Variants in TYW1B observed in about 807,000 individuals in gnomAD.
TYW1B encodes S-adenosyl-L-methionine-dependent tRNA 4-demethylwyosine synthase TYW1B.
A neutral mutation model predicts 86.9 loss-of-function variants in TYW1B; 73 were observed. The ratio of observed to expected loss-of-function variants is 0.84; its 90% CI spans 0.70 to 1.02. The LOEUF (loss-of-function observed/expected upper bound fraction) is 1.02, where lower values mean the gene tolerates loss of function less well. Among genes scored for constraint, TYW1B ranks in the 50% least tolerant of loss-of-function variants. TYW1B has a pLI of 0.00. For missense variants in TYW1B, 637 were observed against 827.4 expected (o/e 0.77, Z 2.82); for synonymous variants, 248 against 292.8 (o/e 0.85, Z 1.56).
intron 9 of TYW1B, among the ~76,000 whole-genome samples, chr7:72,722,426 T>C (rs1321990182): frequency 1.3e-5 from 2 of 152,210 alleles, no homozygotes; most frequent in African/African-American, 4.8e-5. Context: ...CCCCATTTTC[T>C]GGGAACTATT....
At chr7:72,719,694 C>T (rs1293767866) in intron 9 of TYW1B, among the ~76,000 whole-genome samples, 1 of 146,928 alleles carries the variant, frequency 6.8e-6, no homozygotes. Context: ...AAGAGCAGGG[C>T]AATGAAGATG....
chr7:72,714,217 G>C (rs1246037080), intron 9 of TYW1B, among the ~76,000 whole-genome samples: 1 of 152,082 alleles, frequency 6.6e-6, no homozygotes, highest in African/African-American at 2.4e-5. Context: ...GTCCAAAGCT[G>C]TACAGGAGAG....
chr7:72,702,955 C>G (rs1284311329), intron 10 of TYW1B, among the ~76,000 whole-genome samples: 4 of 141,866 alleles, frequency 2.8e-5, no homozygotes, highest in African/African-American at 1.0e-4. Context: ...ATTTTGTTTT[C>G]TTATCTATCA....
At chr7:72,715,833 C>T (rs1157186635) in intron 9 of TYW1B, among the ~76,000 whole-genome samples, 1 of 152,104 alleles carries the variant, frequency 6.6e-6, no homozygotes, top group East Asian at 1.9e-4. Context: ...AGAACATATT[C>T]TCTCTGCAGG....
chr7:72,789,479 A>C (rs1191794326), intron 6 of TYW1B, among the ~76,000 whole-genome samples: 3 of 152,142 alleles, frequency 2.0e-5, no homozygotes, highest in Admixed American at 2.0e-4. Flanking sequence ...AAAAAGTTTC[A>C]TATTTTGAAG....
intron 13 of TYW1B, among the ~76,000 whole-genome samples, chr7:72,588,401 C>A (rs1478668240): frequency 3.3e-5 from 5 of 152,130 alleles, no homozygotes; most frequent in Non-Finnish European, 5.9e-5. Context: ...GGGTGAGTTC[C>A]ACATGTACCA....
At chr7:72,579,230 T>C (rs1278306986) in intron 13 of TYW1B, among the ~76,000 whole-genome samples, 1 of 152,218 alleles carries the variant, frequency 6.6e-6, no homozygotes, top group Non-Finnish European at 1.5e-5. Flanking sequence ...TAATGCAGTT[T>C]GAAAACTTCT....
At chr7:72,745,889 T>TGTGTGTGTGTGTGTGTG (rs1787386653) in intron 7 of TYW1B, among the ~76,000 whole-genome samples, 1 of 143,952 alleles carries the variant, frequency 6.9e-6, no homozygotes, top group African/African-American at 2.6e-5. Flanking sequence ...TGTGTGTGTG[T>TGTGTGTGTGTGTGTGTG]AGTCTCACTC....
chr7:72,632,388 G>GTATATATATAAAATATATATACA (rs1563038697), intron 11 of TYW1B, among the ~76,000 whole-genome samples: 2 of 70,324 alleles, frequency 2.8e-5, no homozygotes, highest in East Asian at 7.9e-4. Flanking sequence ...ATATATATAC[G>GTATATATATAAAATATATATACA]TATATATATA....
intron 9 of TYW1B, among the ~76,000 whole-genome samples, chr7:72,720,361 G>A (rs1310416221): frequency 6.6e-6 from 1 of 152,130 alleles, no homozygotes; most frequent in Admixed American, 6.6e-5. Flanking sequence ...AGAGCAGCCA[G>A]GGAGGACAGG....
chr7:72,718,094 C>A (rs184888872), intron 9 of TYW1B, among the ~76,000 whole-genome samples: 1 of 152,226 alleles, frequency 6.6e-6, no homozygotes, highest in East Asian at 1.9e-4. Context: ...CAATGGTTGA[C>A]TGGATAAAGA....
At chr7:72,697,031 T>TAAAAAAAAAA (rs781801843) in intron 10 of TYW1B, among the ~76,000 whole-genome samples, 1 of 137,922 alleles carries the variant, frequency 7.3e-6, no homozygotes, top group Admixed American at 7.6e-5. Context: ...GATTTCTACT[T>TAAAAAAAAAA]AAAAAAAAAA....
At chr7:72,736,441 C>A (rs1233312295) in intron 8 of TYW1B, among the ~76,000 whole-genome samples, 3 of 152,164 alleles carry the variant, frequency 2.0e-5, no homozygotes, top group Non-Finnish European at 4.4e-5. Context: ...AGAATGTTAG[C>A]ACAGGTCTTT....
intron 9 of TYW1B, among the ~76,000 whole-genome samples, chr7:72,715,652 C>A (rs1273373694): frequency 6.6e-6 from 1 of 151,606 alleles, no homozygotes; most frequent in East Asian, 1.9e-4. Flanking sequence ...GGGCTTAATA[C>A]CTGGGTGATG....
At chr7:72,632,327 A>ACGTG (rs1554439965) in intron 11 of TYW1B, among the ~76,000 whole-genome samples, 7 of 120,654 alleles carry the variant, frequency 5.8e-5, no homozygotes, top group African/African-American at 2.0e-4. Flanking sequence ...TATATTATAT[A>ACGTG]TATATACACG....
chr7:72,749,704 TCTTCA>T (rs1230235719), intron 7 of TYW1B, among the ~76,000 whole-genome samples: 24 of 151,920 alleles, frequency 1.6e-4, no homozygotes, highest in African/African-American at 5.6e-4. Flanking sequence ...TGATTTCTAT[TCTTCA>T]CTTCCTTCCA....
At chr7:72,675,594 T>C (rs139709472) in intron 11 of TYW1B, among the ~76,000 whole-genome samples, 4,620 of 149,736 alleles carry the variant, frequency 0.031, 100 homozygotes, top group Middle Eastern at 0.05. Flanking sequence ...TATATATATA[T>C]ACACACACAC....
rs782262734 is a variant in TYW1B at position 72,810,452 on chromosome 7, T to C, written c.432+19A>G. The C allele has an allele frequency of 1.9e-6, 3 of 1,592,098 alleles. No homozygotes were observed. ...TGTTTATGGGGAGAATTTATTCCTA[T>C]AATTCAATATAGACCTACCTTGTTG... On this transcript the variant is annotated intron_variant, in intron 4 of 13. Coordinates refer to ENST00000620995, the MANE Select transcript of TYW1B (RefSeq NM_001145440.3).
rs1225793892 is a variant in TYW1B, at chr7:72,574,635, T to C, written c.*863A>G. 7 of 985,268 alleles carry C rather than the reference T, an allele frequency of 7.1e-6. No homozygotes were observed. Among genetic ancestry groups the C allele is most frequent in the South Asian group, 4.7e-5 (1 of 21,276 alleles). The allele number at this position is 985,268 out of a possible 1,614,324, so 61.0% of individuals were successfully genotyped here. On this transcript the variant is annotated 3_prime_UTR_variant, in exon 14 of 14. Coordinates refer to ENST00000620995, the MANE Select transcript of TYW1B (RefSeq NM_001145440.3). ...CCAACTTGAAAACACCTGAACCTTA[T>C]AGAACAGATTGTGTAAAGCAGCGAG...
Sources: gnomAD v4.1 joint callset for allele counts (sites outside exome capture counted in the v4.1 genomes callset) on GRCh38, gnomAD v4.1.1 for gene constraint, MANE v1.5 for transcripts, NCBI Gene and HGNC (gene_info 2026-07-23, HGNC 2026-07-21) for gene names.